PEX1: variants seen among roughly 807,000 people sequenced by gnomAD.
PEX1 encodes peroxisomal ATPase PEX1.
In PEX1, 97 loss-of-function variants were observed where a neutral mutation model predicts 152.5. That is an observed-to-expected ratio of 0.64 (90% CI 0.54 to 0.75). PEX1 has a LOEUF of 0.75. PEX1 is among the 30% of genes least tolerant of loss of function. PEX1 has a pLI of 0.00. For missense variants in PEX1, 1,357 were observed against 1,516.3 expected, an observed-to-expected ratio of 0.89 and a Z score of 1.74; for synonymous variants, 485 against 531.6, an observed-to-expected ratio of 0.91 and a Z score of 1.21.
At chr7:92,490,062 A>C in intron 21 of PEX1, 151 bp from the exon 22 acceptor site, 1 of 695,720 alleles carries the variant, frequency 1.4e-6, no homozygotes, top group South Asian at 1.7e-5. Flanking sequence ...AAGCAAGCTG[A>C]AAAGTTGTTC....
Position 92,517,680 on chromosome 7 carries a change from T to C in PEX1, c.835A>G (p.Lys279Glu), listed in dbSNP as rs559412426. The C allele has an allele frequency of 2.5e-6, 4 of 1,613,874 alleles. No individual in the cohort carries two copies. The East Asian group carries it at 6.7e-5, about 27-fold the overall frequency. ...EINAFKNMQS[K>E]VVPLDNIFRV... The stretch of plus-strand genomic sequence containing the variant: ...AAAATATTGTCTAGAGGAACAACCT[T>C]TGACTGCATATTTTTGAATGCATTG... The change falls in exon 5 of 24, where the codon AAG (lysine) becomes GAG (glutamate). Residue 279 changes from lysine (K) to glutamate (E), a missense_variant. Coordinates refer to ENST00000248633, the MANE Select transcript of PEX1 (RefSeq NM_000466.3).
chr7:92,498,327 A>G (rs1475047773), intron 16 of PEX1, among the ~76,000 whole-genome samples: 1 of 151,586 alleles, frequency 6.6e-6, no homozygotes, highest in Non-Finnish European at 1.5e-5. Flanking sequence ...AACATGGTGA[A>G]ACCCCATCTC....
chr7:92,493,014 GC>G lies in PEX1; in HGVS notation c.3145del (p.Ala1049LeufsTer31). On this transcript the variant is annotated frameshift_variant, in exon 20 of 24. Coordinates refer to ENST00000248633, the MANE Select transcript of PEX1 (RefSeq NM_000466.3). LOFTEE classifies it high-confidence loss of function. The stretch of plus-strand genomic sequence containing the variant: ...CTCCAATTGGGCATTGTAAAGTAAA[GC>G]TTTCAGATCAGCTCCAGTAAAGGAG... ...TDSFTGADLK[A>X]LLYNAQLEAL... 6.2e-7 allele frequency: 1 copy of G among 1,613,698 alleles called. No homozygotes were observed. The highest frequency in any genetic ancestry group is 8.5e-7 in the Non-Finnish European group (1 of 1,179,690).
intron 16 of PEX1, among the ~76,000 whole-genome samples, chr7:92,499,081 T>C (rs976461901): frequency 9.2e-5 from 14 of 152,154 alleles, no homozygotes; most frequent in Non-Finnish European, 1.5e-5. Context: ...CATAATGGTG[T>C]TGGTAAAGAT....
chr7:92,494,376 T>G lies in PEX1; in HGVS notation c.2947A>C (p.Thr983Pro), dbSNP rs1791533248. The change falls in exon 19 of 24, where the codon ACT becomes CCT. Residue 983 changes from threonine to proline, a missense_variant. Transcript: ENST00000248633. The part of the protein sequence containing the change: ...GLQGVYVLAA[T>P]SRPDLIDPAL... The stretch of plus-strand genomic sequence containing the variant: ...GGGTCAATCAAGTCAGGGCGACTAG[T>G]AGCAGCCAATACATAAACACCTAGA... 6.2e-7 allele frequency: 1 copy of G among 1,613,884 alleles called. No individual in the cohort carries two copies. The highest frequency in any genetic ancestry group is 1.7e-5 in the Admixed American group (1 of 59,990).
intron 9 of PEX1, among the ~76,000 whole-genome samples, chr7:92,508,409 A>C (rs1424711433): frequency 1.3e-5 from 2 of 152,052 alleles, no homozygotes; most frequent in African/African-American, 4.8e-5. Context: ...GTGGTGGTGC[A>C]TGCTTGTAAT....
At chr7:92,524,354 A>C (rs1793176518) in intron 1 of PEX1, among the ~76,000 whole-genome samples, 1 of 145,892 alleles carries the variant, frequency 6.9e-6, no homozygotes, top group Admixed American at 7.1e-5. Context: ...TGCAACCTCC[A>C]CCTCCCAGAT....
At chr7:92,512,833 G>C (rs956513821) in intron 6 of PEX1, among the ~76,000 whole-genome samples, 20 of 151,924 alleles carry the variant, frequency 1.3e-4, no homozygotes, top group African/African-American at 4.6e-4. Context: ...GTCTTGCTAT[G>C]TTGCCCAGGC....
At position 92,518,154 on chromosome 7, in the gene PEX1, T is replaced by TATG; in HGVS notation, c.456_458dup (p.Ile153dup). On this transcript the variant is annotated inframe_insertion, in exon 4 of 24. Transcript: ENST00000248633. ...AATAGCACCTACCAATTTGGATAAA[T>TATG]ATGTACGTTTGTTGATCAACCCAAA... 6.2e-7 allele frequency: 1 copy of TATG among 1,611,756 alleles called. No homozygotes were observed. The highest frequency in any genetic ancestry group is 1.1e-5 in the South Asian group (1 of 91,008).
intron 2 of PEX1, among the ~76,000 whole-genome samples, chr7:92,521,617 TAG>T (rs1239024667): frequency 6.6e-6 from 1 of 151,846 alleles, no homozygotes; most frequent in Admixed American, 6.6e-5. Flanking sequence ...GAATTTTTAG[TAG>T]AGAGGGGGGG....
At chr7:92,511,909 A>C (rs534610705) in intron 6 of PEX1, among the ~76,000 whole-genome samples, 2 of 152,374 alleles carry the variant, frequency 1.3e-5, no homozygotes, top group South Asian at 4.1e-4. Flanking sequence ...AACATCTGTT[A>C]GGCGGAAAAG....
chr7:92,515,107 A>C lies in PEX1; in HGVS notation c.1240-1140T>G, dbSNP rs946012916. Among the ~76,000 whole-genome samples the C allele has an allele frequency of 8.1e-5, 10 of 122,922 alleles. 1 individual carries two copies. Among genetic ancestry groups the C allele is most frequent in the African/African-American group, 2.2e-4 (7 of 31,844 alleles). 80.6% of individuals were successfully genotyped at this position (122,922 alleles called of 152,430 possible). On this transcript the variant is annotated intron_variant, in intron 5 of 23. Coordinates refer to ENST00000248633, the MANE Select transcript of PEX1 (RefSeq NM_000466.3). ...TATATATATATATATATATATATAT[A>C]TATATATATATATATCAATAATGAT...
Position 92,487,376 on chromosome 7 carries a change from T to C in PEX1, c.*81A>G. 1.3e-6 allele frequency: 1 copy of C among 748,410 alleles called. No individual in the cohort carries two copies. The highest frequency in any genetic ancestry group is 2.3e-6 in the Non-Finnish European group (1 of 428,982). The allele number at this position is 748,410 out of a possible 1,614,324, so 46.4% of individuals were successfully genotyped here. On this transcript the variant is annotated 3_prime_UTR_variant, in exon 24 of 24. Transcript: ENST00000248633. ...ATTTGTTAAATTAAGAAGAAATTCA[T>C]AGACACCATTTTTTTCCTGTTACAA... is the stretch of plus-strand genomic sequence containing the variant.
At position 92,528,494 on chromosome 7, in the gene PEX1, G is replaced by A. The variant is rs1793414902; in HGVS notation, c.-59C>T. The A allele has an allele frequency of 6.0e-6, 9 of 1,499,830 alleles. No individual in the cohort carries two copies. In the Admixed American group the frequency reaches 8.4e-5, roughly 14 times the overall value. 92.9% of individuals were successfully genotyped at this position (1,499,830 alleles called of 1,614,324 possible). A position where few individuals can be genotyped will look rare whatever the true frequency, so the allele number is the denominator to read the frequency against. ...TAGCGCCGCAAAGGACCCGGGACCC[G>A]GCAGGCCGAGGACGTCGGAGCCGGA... On this transcript the variant is annotated 5_prime_UTR_variant, in exon 1 of 24. Coordinates refer to ENST00000248633, the MANE Select transcript of PEX1 (RefSeq NM_000466.3).
intron 23 of PEX1, among the ~76,000 whole-genome samples, 153 bp downstream of exon 23, chr7:92,489,140 G>A (rs1360888985): frequency 1.3e-5 from 2 of 152,174 alleles, no homozygotes; most frequent in African/African-American, 4.8e-5. Flanking sequence ...ACATTTTGGG[G>A]TTTTTTAATG....
chr7:92,514,024 T>C (rs949139184), intron 5 of PEX1, 57 bp from the exon 6 acceptor site: 4 of 1,128,968 alleles, frequency 3.5e-6, no homozygotes, highest in Non-Finnish European at 5.2e-6. Context: ...TTAAGAAATA[T>C]TTCATAGCAT....
chr7:92,516,631 T>C (rs572702271), intron 5 of PEX1, among the ~76,000 whole-genome samples: 1 of 152,330 alleles, frequency 6.6e-6, no homozygotes, highest in African/African-American at 2.4e-5. Flanking sequence ...GTGGTTCAAA[T>C]TTAGGTTCCA....
intron 21 of PEX1, 76 bp downstream of exon 21, chr7:92,491,196 A>C: frequency 1.0e-6 from 1 of 1,001,842 alleles, no homozygotes; most frequent in Non-Finnish European, 1.6e-6. Flanking sequence ...GCTGGTTAGG[A>C]GAGAAATCAC....
At chr7:92,506,453 C>CA (rs1267937492) in intron 10 of PEX1, 109 bp from the exon 11 acceptor site, 23 of 742,928 alleles carry the variant, frequency 3.1e-5, no homozygotes, top group Non-Finnish European at 3.9e-5. Context: ...CAACCTCTTC[C>CA]AAAAAAACAA....
Sources: gnomAD v4.1 joint callset for allele counts (sites outside exome capture counted in the v4.1 genomes callset) on GRCh38, gnomAD v4.1.1 for gene constraint, MANE v1.5 for transcripts, NCBI Gene and HGNC (gene_info 2026-07-23, HGNC 2026-07-21) for gene names.